Variants in RIN2 observed in about 807,000 individuals in gnomAD.
RIN2 encodes the protein RAB5 interacting protein 2.
A neutral mutation model predicts 78.0 loss-of-function variants in RIN2; 36 were observed. The observed-to-expected ratio is 0.46, with a 90% CI of 0.35 to 0.61. The LOEUF (loss-of-function observed/expected upper bound fraction) is 0.61. Ranked by LOEUF, RIN2 falls within the 20% of genes least tolerant of loss-of-function variation. The probability of loss-of-function intolerance (pLI) is 0.00; values close to 1 mark genes in which losing one functional copy is unlikely to be tolerated. For missense variants in RIN2, 1,087 were observed against 1,159.7 expected (o/e 0.94, Z 0.91); for synonymous variants, 466 against 466.8 (o/e 1.00, Z 0.02).
At chr20:19,828,694 T>C (rs143481807) in intron 2 of RIN2, among the ~76,000 whole-genome samples, 299 of 152,316 alleles carry the variant, frequency 2.0e-3, no homozygotes, top group African/African-American at 6.7e-3. Context: ...AGAAAAAATA[T>C]GTTTCTTATG....
At chr20:19,780,888 T>A (rs2034478859) in intron 1 of RIN2, among the ~76,000 whole-genome samples, 1 of 152,232 alleles carries the variant, frequency 6.6e-6, no homozygotes, top group South Asian at 2.1e-4. Context: ...GCTGTGGCTT[T>A]ACATGTAACA....
chr20:19,999,979 T>G lies in RIN2; in HGVS notation c.2365-634T>G, dbSNP rs558901485. Among the ~76,000 whole-genome samples the G allele has an allele frequency of 1.3e-4, 20 of 152,326 alleles. No homozygotes were observed. In the South Asian group the frequency reaches 4.1e-3, roughly 32 times the overall value. On this transcript the variant is annotated intron_variant, in intron 12 of 12. Transcript: ENST00000255006. ...GTCAAAAGTCAGCGCATTTTGTGTG[T>G]GTGTGATTCAACCTAAATGATTGCC...
At chr20:19,781,014 A>G (rs113400530) in intron 1 of RIN2, among the ~76,000 whole-genome samples, 52 of 152,186 alleles carry the variant, frequency 3.4e-4, no homozygotes, top group Non-Finnish European at 4.4e-4. Flanking sequence ...CAACCACCAC[A>G]TGATCTTGGT....
At chr20:19,849,912 G>T (rs534644021) in intron 2 of RIN2, among the ~76,000 whole-genome samples, 1 of 152,102 alleles carries the variant, frequency 6.6e-6, no homozygotes, top group Non-Finnish European at 1.5e-5. Flanking sequence ...TTTAAAGATC[G>T]AAATTTTCCC....
At chr20:19,926,594 G>A (rs74729841) in intron 3 of RIN2, among the ~76,000 whole-genome samples, 1 of 152,128 alleles carries the variant, frequency 6.6e-6, no homozygotes, top group East Asian at 1.9e-4. Context: ...GAACTGTTTG[G>A]GTAATGCGGT....
At chr20:19,843,525 G>A (rs998555384) in intron 2 of RIN2, among the ~76,000 whole-genome samples, 1 of 152,104 alleles carries the variant, frequency 6.6e-6, no homozygotes, top group Non-Finnish European at 1.5e-5. Context: ...AGTATTTTTC[G>A]GAGATAAAGT....
rs1005635488 is a variant in RIN2, at chr20:19,996,845, G to A, written c.2364+3G>A. On this transcript the variant is annotated splice_donor_region_variant and intron_variant, in intron 12 of 12. Transcript: ENST00000255006. ...TCCCCTCTGTGGACGACTTCCAGGT[G>A]TGCAGCTGGCCACCCCTTTGCTTCC... 7.6e-6 allele frequency: 12 copies of A among 1,579,074 alleles called. No homozygotes were observed. Among genetic ancestry groups the A allele is most frequent in the African/African-American group, 1.3e-5 (1 of 74,182 alleles).
At chr20:19,801,811 G>A (rs1253772377) in intron 2 of RIN2, among the ~76,000 whole-genome samples, 2 of 152,146 alleles carry the variant, frequency 1.3e-5, no homozygotes, top group Non-Finnish European at 2.9e-5. Flanking sequence ...TAATAATGAT[G>A]ACAGAGTAAG....
intron 2 of RIN2, among the ~76,000 whole-genome samples, chr20:19,825,681 G>A (rs2036068780): frequency 1.3e-5 from 2 of 152,180 alleles, no homozygotes; most frequent in South Asian, 4.1e-4. Context: ...CCTTGGATAA[G>A]CCCAAATGCT....
chr20:19,847,283 C>T (rs2036816382), intron 2 of RIN2, among the ~76,000 whole-genome samples: 1 of 152,180 alleles, frequency 6.6e-6, no homozygotes, highest in Admixed American at 6.5e-5. Context: ...TTTTGATGCT[C>T]ATCAGCTCAC....
At chr20:19,927,684 A>C (rs2040278970) in intron 3 of RIN2, among the ~76,000 whole-genome samples, 1 of 151,550 alleles carries the variant, frequency 6.6e-6, no homozygotes, top group Non-Finnish European at 1.5e-5. Context: ...AAAAGTGCTA[A>C]GATTACAAGC....
At chr20:19,760,573 C>T (rs1348669759) in intron 1 of RIN2, among the ~76,000 whole-genome samples, 2 of 152,148 alleles carry the variant, frequency 1.3e-5, no homozygotes, top group Admixed American at 6.5e-5. Context: ...TTCCACTTTC[C>T]AGAAAGAACC....
At chr20:19,905,083 T>G (rs1242630807) in intron 3 of RIN2, among the ~76,000 whole-genome samples, 1 of 152,158 alleles carries the variant, frequency 6.6e-6, no homozygotes, top group Non-Finnish European at 1.5e-5. Context: ...GTTTACTCTG[T>G]CCCGTTCCCA....
intron 11 of RIN2, among the ~76,000 whole-genome samples, chr20:19,995,683 GGAA>G (rs1433366455): frequency 2.0e-5 from 3 of 151,998 alleles, no homozygotes; most frequent in Non-Finnish European, 4.4e-5. Flanking sequence ...TAGTCCCAAA[GGAA>G]GGGGGGGGTA....
chr20:19,955,724 G>A (rs1428089802), intron 4 of RIN2, among the ~76,000 whole-genome samples: 2 of 152,116 alleles, frequency 1.3e-5, no homozygotes, highest in Non-Finnish European at 2.9e-5. Flanking sequence ...ATGATTTTAC[G>A]AATAGCACAG....
At chr20:19,838,095 T>C (rs1347043008) in intron 2 of RIN2, among the ~76,000 whole-genome samples, 1 of 152,216 alleles carries the variant, frequency 6.6e-6, no homozygotes, top group Admixed American at 6.5e-5. Context: ...CAAAAACATA[T>C]CTTCTCTCAT....
Position 19,916,440 on chromosome 20 carries a change from G to A in RIN2, c.58-18659G>A, listed in dbSNP as rs558643503. Among the ~76,000 whole-genome samples the A allele has an allele frequency of 4.6e-5, 7 of 152,184 alleles. No individual in the cohort carries two copies. In the East Asian group the frequency reaches 5.8e-4, roughly 13 times the overall value. On this transcript the variant is annotated intron_variant, in intron 3 of 12. Transcript: ENST00000255006. ...TTGAGTCCATCCTGGACAAACTAGC[G>A]AGATTCCATCTGTACAAGAAATAAA...
intron 4 of RIN2, chr20:19,935,674 C>G: frequency 3.2e-6 from 3 of 946,112 alleles, no homozygotes; most frequent in South Asian, 9.7e-5. Context: ...TGATTGGAAA[C>G]TGGATGTGGT....
chr20:19,901,947 C>T (rs1001135752), intron 3 of RIN2, among the ~76,000 whole-genome samples: 10 of 135,430 alleles, frequency 7.4e-5, no homozygotes, highest in South Asian at 2.5e-4. Flanking sequence ...ACCCGGGAGG[C>T]GGAGGTTGTG....
Sources: gnomAD v4.1 joint callset for allele counts (sites outside exome capture counted in the v4.1 genomes callset) on GRCh38, gnomAD v4.1.1 for gene constraint, MANE v1.5 for transcripts, NCBI Gene and HGNC (gene_info 2026-07-23, HGNC 2026-07-21) for gene names.